Variants in CPLX3 observed in about 807,000 individuals in gnomAD.
CPLX3 encodes complexin-3.
Under a neutral mutation model 17.2 loss-of-function variants are expected in CPLX3, and 12 were observed. That is an observed-to-expected ratio of 0.70 (90% CI 0.45 to 1.13). The LOEUF is 1.13. Ranked by LOEUF, CPLX3 falls within the 50% of genes most tolerant of loss-of-function variation. The pLI, the probability that CPLX3 is intolerant of heterozygous loss-of-function variation, is 0.00. For missense variants in CPLX3, 172 were observed against 203.2 expected (o/e 0.85, Z 0.93); for synonymous variants, 75 against 79.4 (o/e 0.94, Z 0.29).
chr15:74,827,819 G>T (rs1055563878), intron 1 of CPLX3, among the ~76,000 whole-genome samples: 6 of 152,188 alleles, frequency 3.9e-5, no homozygotes, highest in African/African-American at 1.4e-4. Flanking sequence ...CTGCCACCCT[G>T]GTTCCCTAGT....
rs567658297 is a variant in CPLX3 at position 74,829,920 on chromosome 15, G to A, written c.253-210G>A. On this transcript the variant is annotated intron_variant, in intron 2 of 2. Transcript: ENST00000395018. Reference sequence around the variant, plus strand: ...CATTCCTGTATTCCCCCGGCACTTTGGGAGGCCAAGGTGGGCATATCACTT... The same window carrying A: ...CATTCCTGTATTCCCCCGGCACTTTAGGAGGCCAAGGTGGGCATATCACTT... 2.0e-5 allele frequency among the ~76,000 whole-genome samples: 3 copies of A among 151,972 alleles called. No homozygotes were observed. The East Asian group carries it at 5.8e-4, about 29-fold the overall frequency.
In CPLX3 at chr15:74,826,824, C is replaced by T. The variant is rs982714651; in HGVS notation, c.121C>T (p.Arg41Trp). The T allele has an allele frequency of 4.4e-6, 7 of 1,604,294 alleles. No individual in the cohort carries two copies. In the African/African-American group the frequency reaches 6.8e-5, roughly 16 times the overall value. The part of the protein sequence containing the change: ...KSAAEAQGMS[R>W]EEYEEYQKQL... ...GGCAGCCGAAGCTCAGGGCATGAGC[C>T]GGGAGGAGTACGAGGAGTATCAGAA... The change falls in exon 1 of 3, where the codon CGG (arginine) becomes TGG (tryptophan). Residue 41 changes from arginine to tryptophan, a missense_variant. Coordinates refer to ENST00000395018, the MANE Select transcript of CPLX3 (RefSeq NM_001030005.3). This position sits in a 1 kb window ranked among gnomAD's most constrained non-coding sequence, Gnocchi z 5.0.
rs554714827 is a variant in CPLX3 at position 74,826,822 on chromosome 15, G to T, written c.119G>T (p.Ser40Ile). The T allele has an allele frequency of 6.2e-7, 1 of 1,605,230 alleles. No homozygotes were observed. Among genetic ancestry groups the T allele is most frequent in the East Asian group, 2.3e-5 (1 of 43,194 alleles). ...DKSAAEAQGM[S>I]REEYEEYQKQ... is the part of the protein sequence containing the mutation. ...TCGGCAGCCGAAGCTCAGGGCATGA[G>T]CCGGGAGGAGTACGAGGAGTATCAG... Residue 40 changes from serine (S) to isoleucine (I), a missense_variant, in exon 1 of 3, where the codon AGC becomes ATC. Ser to Ile is a moderately radical substitution (Grantham distance 142, BLOSUM62 -2). Coordinates refer to ENST00000395018, the MANE Select transcript of CPLX3 (RefSeq NM_001030005.3). This position sits in a 1 kb window ranked among gnomAD's most constrained non-coding sequence, Gnocchi z 5.0.
At chr15:74,830,097 C>T in intron 2 of CPLX3, 33 bp from the exon 3 acceptor site, 1 of 1,575,940 alleles carries the variant, frequency 6.3e-7, no homozygotes, top group South Asian at 1.1e-5. Context: ...GACTTCCACT[C>T]CACCCCACCC....
At position 74,829,457 on chromosome 15, in the gene CPLX3, A is replaced by G. The variant is rs2063958508; in HGVS notation, c.253-673A>G. ...TAATTTAAGTTACTTAAGTTACTTA[A>G]GTTAGTTAAGTAACTTAAATTTAAA... On this transcript the variant is annotated intron_variant, in intron 2 of 2. Transcript: ENST00000395018. Among the ~76,000 whole-genome samples the G allele has an allele frequency of 2.0e-5, 3 of 152,212 alleles. No individual in the cohort carries two copies. The South Asian group carries it at 6.2e-4, about 32-fold the overall frequency.
Position 74,830,215 on chromosome 15 carries a change from CAGA to C in CPLX3, c.339_341del (p.Glu118del), listed in dbSNP as rs746083924. On this transcript the variant is annotated inframe_deletion, in exon 3 of 3. Transcript: ENST00000395018. ...CTGGCCAAGATGATCGAGGAGGACA[CAGA>C]GGAGGAGGAGGAGAAGGCCTCAGTC... 3 of 1,613,800 alleles carry C rather than the reference CAGA, an allele frequency of 1.9e-6. No individual in the cohort carries two copies.
chr15:74,826,676 G>A lies in CPLX3; in HGVS notation c.-28G>A. ...CCCGGTGCCTGGCGCGTGGTAGCAG[G>A]CGCCCGGTGCCCCGGCCGGCGAAGA... On this transcript the variant is annotated 5_prime_UTR_variant, in exon 1 of 3. Coordinates refer to ENST00000395018, the MANE Select transcript of CPLX3 (RefSeq NM_001030005.3). The surrounding 1 kb of genome is among the most constrained non-coding windows in gnomAD (Gnocchi z 5.0). 1.3e-6 allele frequency: 2 copies of A among 1,594,966 alleles called. No individual in the cohort carries two copies. The highest frequency in any genetic ancestry group is 1.7e-6 in the Non-Finnish European group (2 of 1,172,148).
chr15:74,830,475 C>T lies in CPLX3; in HGVS notation c.*121C>T. On this transcript the variant is annotated 3_prime_UTR_variant, in exon 3 of 3. Transcript: ENST00000395018. Reference sequence around the variant, plus strand: ...CCTTGCCCCATCCTAGTTCCAAGACCTTTCCCATCCATGCCCCAAGCCTAT... The same window carrying T: ...CCTTGCCCCATCCTAGTTCCAAGACTTTTCCCATCCATGCCCCAAGCCTAT... 1 of 780,572 alleles carries T rather than the reference C, an allele frequency of 1.3e-6. No homozygotes were observed. The highest frequency in any genetic ancestry group is 2.7e-5 in the East Asian group (1 of 37,064). 48.4% of individuals were successfully genotyped at this position (780,572 alleles called of 1,614,324 possible). A position where few individuals can be genotyped will look rare whatever the true frequency, so the allele number is the denominator to read the frequency against.
At position 74,830,895 on chromosome 15, in the gene CPLX3, C is replaced by A. The variant is rs562462872; in HGVS notation, c.*541C>A. 33 of 153,498 alleles carry A rather than the reference C, an allele frequency of 2.1e-4. No homozygotes were observed. The highest frequency in any genetic ancestry group is 6.7e-4 in the African/African-American group (28 of 41,594). The allele number at this position is 153,498 out of a possible 1,614,324, so 9.5% of individuals were successfully genotyped here. A position where few individuals can be genotyped will look rare whatever the true frequency, so the allele number is the denominator to read the frequency against. Reference sequence around the variant, plus strand: ...CTTGAAAGCCCCTGCTCTCTCTGAGCCTTATTTCATCATCTGTAAAATGGG... The same window carrying A: ...CTTGAAAGCCCCTGCTCTCTCTGAGACTTATTTCATCATCTGTAAAATGGG... On this transcript the variant is annotated 3_prime_UTR_variant, in exon 3 of 3. Transcript: ENST00000395018.
Position 74,826,642 on chromosome 15 carries a change from G to A in CPLX3, c.-62G>A, listed in dbSNP as rs938771549. ...CGCGAAACCTAGTGCTGAAGTAGGC[G>A]CGGACGTGCCCGGTGCCTGGCGCGT... On this transcript the variant is annotated 5_prime_UTR_variant, in exon 1 of 3. Coordinates refer to ENST00000395018, the MANE Select transcript of CPLX3 (RefSeq NM_001030005.3). This position sits in a 1 kb window ranked among gnomAD's most constrained non-coding sequence, Gnocchi z 5.0. 2 of 1,551,040 alleles carry A rather than the reference G, an allele frequency of 1.3e-6. No individual in the cohort carries two copies. Among genetic ancestry groups the A allele is most frequent in the South Asian group, 1.1e-5 (1 of 87,740 alleles).
chr15:74,830,097 C>G, intron 2 of CPLX3, 33 bp from the exon 3 acceptor site: 1 of 1,575,940 alleles, frequency 6.3e-7, no homozygotes, highest in Non-Finnish European at 8.7e-7. Flanking sequence ...GACTTCCACT[C>G]CACCCCACCC....
At chr15:74,827,782 T>C (rs1418101913) in intron 1 of CPLX3, among the ~76,000 whole-genome samples, 1 of 152,136 alleles carries the variant, frequency 6.6e-6, no homozygotes, top group African/African-American at 2.4e-5. Context: ...GACAAATAAT[T>C]AGGATCTGCA....
At chr15:74,829,563 A>T (rs2063958960) in intron 2 of CPLX3, among the ~76,000 whole-genome samples, 1 of 152,212 alleles carries the variant, frequency 6.6e-6, no homozygotes, top group Non-Finnish European at 1.5e-5. Flanking sequence ...TCACAGGGTT[A>T]TTGTGAGAAT....
chr15:74,827,868 G>A (rs2063950640), intron 1 of CPLX3, among the ~76,000 whole-genome samples, 166 bp from the exon 2 acceptor site: 1 of 152,200 alleles, frequency 6.6e-6, no homozygotes, highest in African/African-American at 2.4e-5. Context: ...CACTGTGATG[G>A]GCAGAGGCAG....
At position 74,830,362 on chromosome 15, in the gene CPLX3, C is replaced by T. The variant is rs1049433493; in HGVS notation, c.*8C>T. On this transcript the variant is annotated 3_prime_UTR_variant, in exon 3 of 3. Transcript: ENST00000395018. ...AAGTGTCACGTCATGTGACCACTTCCCCGGGGTTACCCACTGGGCTGGGCC... is the reference window on the plus strand; with the variant it reads ...AAGTGTCACGTCATGTGACCACTTCTCCGGGGTTACCCACTGGGCTGGGCC... 6.7e-5 allele frequency: 107 copies of T among 1,606,562 alleles called. No homozygotes were observed. The highest frequency in any genetic ancestry group is 8.6e-5 in the Non-Finnish European group (101 of 1,176,118).
At chr15:74,827,958 C>A in intron 1 of CPLX3, 76 bp from the exon 2 acceptor site, 2 of 1,242,792 alleles carry the variant, frequency 1.6e-6, no homozygotes, top group South Asian at 1.3e-5. Flanking sequence ...TCAGAGACCC[C>A]TTCTGTCCCT....
chr15:74,826,988 A>G lies in CPLX3; in HGVS notation c.164+121A>G. Reference sequence around the variant, plus strand: ...CTCCCCTACTTTCCTAGACACGGTAAGAGACCGGGAGGTGTCCTCTACACT... The same window carrying G: ...CTCCCCTACTTTCCTAGACACGGTAGGAGACCGGGAGGTGTCCTCTACACT... On this transcript the variant is annotated intron_variant, in intron 1 of 2. Transcript: ENST00000395018. This position sits in a 1 kb window ranked among gnomAD's most constrained non-coding sequence, Gnocchi z 5.0. 1.1e-6 allele frequency: 1 copy of G among 884,472 alleles called. No homozygotes were observed. The highest frequency in any genetic ancestry group is 1.7e-6 in the Non-Finnish European group (1 of 586,982). 54.8% of individuals were successfully genotyped at this position (884,472 alleles called of 1,614,324 possible).
chr15:74,827,484 A>G (rs1429055855), intron 1 of CPLX3, among the ~76,000 whole-genome samples: 3 of 152,232 alleles, frequency 2.0e-5, no homozygotes, highest in African/African-American at 7.2e-5. Flanking sequence ...TGCCTTGTAT[A>G]TTTATGAAGA....
rs1247856437 is a variant in CPLX3, at chr15:74,830,151, A to G, written c.274A>G (p.Ile92Val). 7.4e-6 allele frequency: 12 copies of G among 1,613,820 alleles called. No individual in the cohort carries two copies. Among genetic ancestry groups the G allele is most frequent in the Non-Finnish European group, 1.0e-5 (12 of 1,179,988 alleles). ...TCAGAACGAGACAGATGAGAGCCAG[A>G]TCCAGATGGCAGGTGGAGACGTGGA... The part of the protein sequence containing the change: ...LPKNETDESQ[I>V]QMAGGDVELP... The change falls in exon 3 of 3, where the codon ATC (isoleucine) becomes GTC (valine). Residue 92 changes from isoleucine to valine, a missense_variant. Physicochemically the swap from Ile to Val is conservative, Grantham distance 29. Transcript: ENST00000395018.
Sources: gnomAD v4.1 joint callset for allele counts (sites outside exome capture counted in the v4.1 genomes callset) on GRCh38, gnomAD v4.1.1 for gene constraint, Gnocchi (gnomAD v3.1) non-coding constraint, MANE v1.5 for transcripts, NCBI Gene and HGNC (gene_info 2026-07-23, HGNC 2026-07-21) for gene names.